UBE2L3: variants seen among roughly 807,000 people sequenced by gnomAD.
The protein encoded by UBE2L3 is ubiquitin conjugating enzyme E2 L3.
UBE2L3 carries 1 observed loss-of-function variant against 17.8 expected under a neutral mutation model. That is an observed-to-expected ratio of 0.06 (90% confidence interval 0.02 to 0.27). The LOEUF is 0.27. Ranked by LOEUF, UBE2L3 falls within the 10% of genes least tolerant of loss-of-function variation. The pLI, the probability that UBE2L3 is intolerant of heterozygous loss-of-function variation, is 1.00. For synonymous variants in UBE2L3, 44 were observed against 68.5 expected, an observed-to-expected ratio of 0.64 and a Z score of 1.76; for missense variants, 40 against 192.6, an observed-to-expected ratio of 0.21 and a Z score of 4.69.
chr22:21,591,073 C>T (rs1014508552), intron 1 of UBE2L3, among the ~76,000 whole-genome samples: 1 of 152,160 alleles, frequency 6.6e-6, no homozygotes, highest in Non-Finnish European at 1.5e-5. Flanking sequence ...TCTTATGAGT[C>T]TTGTGAGCAG....
chr22:21,568,571 A>G (rs1926774618), intron 1 of UBE2L3, among the ~76,000 whole-genome samples: 1 of 152,154 alleles, frequency 6.6e-6, no homozygotes, highest in South Asian at 2.1e-4. Flanking sequence ...TTGGATCTTG[A>G]ATGCAGCAGG....
intron 2 of UBE2L3, among the ~76,000 whole-genome samples, chr22:21,596,687 A>C (rs150964551): frequency 6.6e-6 from 1 of 151,948 alleles, no homozygotes; most frequent in Non-Finnish European, 1.5e-5. Context: ...GGGTTTCTCC[A>C]TGTTGGTCAG....
At chr22:21,604,120 C>T (rs1929021155) in intron 2 of UBE2L3, among the ~76,000 whole-genome samples, 1 of 151,954 alleles carries the variant, frequency 6.6e-6, no homozygotes, top group African/African-American at 2.4e-5. Context: ...AAATGACTTC[C>T]TCAATACAGC....
At chr22:21,578,375 A>AAAG (rs1927432147) in intron 1 of UBE2L3, among the ~76,000 whole-genome samples, 1 of 151,874 alleles carries the variant, frequency 6.6e-6, no homozygotes, top group East Asian at 1.9e-4. Context: ...AAAAAAAAAA[A>AAAG]AAAGAACAGT....
chr22:21,618,037 A>G (rs1322002175), intron 3 of UBE2L3, among the ~76,000 whole-genome samples: 1 of 151,894 alleles, frequency 6.6e-6, no homozygotes, highest in Admixed American at 6.6e-5. Context: ...AAGAATTAGC[A>G]AGGCGTGGTG....
chr22:21,611,153 C>T lies in UBE2L3; in HGVS notation c.310+110C>T, dbSNP rs187923704. ...GAATCCAGAGAATCTTTCAGGTACACGAAAAATGTAGCTGAGGTCCTGTCA... is the reference window on the plus strand; with the variant it reads ...GAATCCAGAGAATCTTTCAGGTACATGAAAAATGTAGCTGAGGTCCTGTCA... On this transcript the variant is annotated intron_variant, in intron 3 of 3. Transcript: ENST00000342192. The T allele has an allele frequency of 7.7e-4, 983 of 1,275,720 alleles. 3 individuals are homozygous for T. The highest frequency in any genetic ancestry group is 5.5e-4 in the Non-Finnish European group (518 of 941,022). 79.0% of individuals were successfully genotyped at this position (1,275,720 alleles called of 1,614,324 possible). A position where few individuals can be genotyped will look rare whatever the true frequency, so the allele number is the denominator to read the frequency against.
At chr22:21,567,295 C>CT (rs1926675258), upstream of UBE2L3, among the ~76,000 whole-genome samples, 2 of 152,144 alleles carry the variant, frequency 1.3e-5, no homozygotes, top group South Asian at 4.1e-4. Context: ...TCCTGAGTAG[C>CT]AGAGATTACA....
intron 1 of UBE2L3, chr22:21,568,308 TGGTG>T: frequency 1.0e-6 from 1 of 985,604 alleles, no homozygotes; most frequent in Non-Finnish European, 1.2e-6. Context: ...GTCAGTTTGT[TGGTG>T]GGTCGTTTGG....
intron 1 of UBE2L3, among the ~76,000 whole-genome samples, chr22:21,558,534 G>A (rs1402052940): frequency 1.3e-5 from 2 of 152,088 alleles, no homozygotes; most frequent in Admixed American, 1.3e-4. Flanking sequence ...GGGAGGCTGA[G>A]GGAGGAGAAT....
chr22:21,584,164 C>T (rs937104019), intron 1 of UBE2L3, among the ~76,000 whole-genome samples: 3 of 150,754 alleles, frequency 2.0e-5, no homozygotes, highest in Non-Finnish European at 2.9e-5. Context: ...CATGAGCCAC[C>T]GTGTCTGGCC....
At chr22:21,570,180 C>A (rs928290520) in intron 1 of UBE2L3, among the ~76,000 whole-genome samples, 1 of 152,126 alleles carries the variant, frequency 6.6e-6, no homozygotes, top group Non-Finnish European at 1.5e-5. Context: ...TCTGAGATCC[C>A]GAAGGGCAGG....
intron 3 of UBE2L3, among the ~76,000 whole-genome samples, chr22:21,620,873 G>T (rs139995572): frequency 6.6e-6 from 1 of 152,168 alleles, no homozygotes; most frequent in Non-Finnish European, 1.5e-5. Context: ...CCTGAGCCGA[G>T]CATGGTGCTG....
At chr22:21,569,801 T>A (rs1047919987) in intron 1 of UBE2L3, among the ~76,000 whole-genome samples, 4 of 152,228 alleles carry the variant, frequency 2.6e-5, no homozygotes, top group Non-Finnish European at 5.9e-5. Context: ...GTAGACATTG[T>A]GATTTCCATT....
intron 1 of UBE2L3, among the ~76,000 whole-genome samples, chr22:21,590,352 C>T (rs1485575566): frequency 6.6e-6 from 1 of 152,184 alleles, no homozygotes; most frequent in East Asian, 1.9e-4. Flanking sequence ...CGCCCACCAC[C>T]ACACCCGGCT....
At chr22:21,613,030 G>A (rs906183463) in intron 3 of UBE2L3, among the ~76,000 whole-genome samples, 1 of 152,124 alleles carries the variant, frequency 6.6e-6, no homozygotes, top group Admixed American at 6.6e-5. Context: ...AGTCCTTGCC[G>A]AGTCATGTCT....
chr22:21,583,164 G>T (rs146591483), intron 1 of UBE2L3, among the ~76,000 whole-genome samples: 1 of 152,240 alleles, frequency 6.6e-6, no homozygotes, highest in Non-Finnish European at 1.5e-5. Context: ...TGCCCTCCAT[G>T]TCTCTGCATA....
intron 1 of UBE2L3, among the ~76,000 whole-genome samples, chr22:21,556,490 C>T (rs556513010): frequency 4.6e-5 from 7 of 152,376 alleles, no homozygotes; most frequent in Non-Finnish European, 7.3e-5. Context: ...AGTGCAGTGG[C>T]GTGATCTCGG....
intron 1 of UBE2L3, among the ~76,000 whole-genome samples, chr22:21,591,891 C>T (rs1601417400): frequency 6.6e-6 from 1 of 152,206 alleles, no homozygotes; most frequent in Non-Finnish European, 1.5e-5. Flanking sequence ...GGTAGAGTGG[C>T]ACTTCATGTG....
intron 1 of UBE2L3, among the ~76,000 whole-genome samples, chr22:21,561,665 A>G (rs1416645479): frequency 6.6e-6 from 1 of 152,272 alleles, no homozygotes; most frequent in Non-Finnish European, 1.5e-5. Context: ...CACGATGGAC[A>G]TGGGGAGTGT....
Sources: allele counts gnomAD v4.1 joint callset (sites outside exome capture counted in the v4.1 genomes callset), GRCh38; gene constraint gnomAD v4.1.1; transcripts MANE v1.5; gene names NCBI Gene and HGNC (gene_info 2026-07-23, HGNC 2026-07-21).